MGAT4A: variants seen among roughly 807,000 people sequenced by gnomAD.
MGAT4A encodes alpha-1,3-mannosyl-glycoprotein 4-beta-N-acetylglucosaminyltransferase A.
Under a neutral mutation model 74.1 loss-of-function variants are expected in MGAT4A, and 33 were observed. The ratio of observed to expected loss-of-function variants is 0.45; its 90% CI spans 0.34 to 0.60. The LOEUF (loss-of-function observed/expected upper bound fraction) is 0.60, where lower values mean the gene tolerates loss of function less well. Among genes scored for constraint, MGAT4A ranks in the 20% least tolerant of loss-of-function variants. MGAT4A has a pLI of 0.02. For synonymous variants in MGAT4A, 198 were observed against 210.4 expected (o/e 0.94, Z 0.51); for missense variants, 479 against 628.3 (o/e 0.76, Z 2.54).
At chr2:98,680,264 G>A (rs766714146) in intron 2 of MGAT4A, among the ~76,000 whole-genome samples, 1 of 152,024 alleles carries the variant, frequency 6.6e-6, no homozygotes, top group African/African-American at 2.4e-5. Flanking sequence ...GGCTGGTCTC[G>A]AACTCCTGAC....
chr2:98,661,282 A>T (rs1257733837), intron 5 of MGAT4A, among the ~76,000 whole-genome samples: 1 of 152,194 alleles, frequency 6.6e-6, no homozygotes, highest in Non-Finnish European at 1.5e-5. Context: ...GAATGTGGAG[A>T]AAAGAAACGG....
chr2:98,622,811 G>A lies in MGAT4A; in HGVS notation c.*2755C>T. On this transcript the variant is annotated 3_prime_UTR_variant, in exon 16 of 16. Coordinates refer to ENST00000393487, the MANE Select transcript of MGAT4A (RefSeq NM_012214.3). ...ACAAACAATCAAAAACTAGACAACC[G>A]ATTGTGTATGCAAGAGTATGGCAAC... is the stretch of plus-strand genomic sequence containing the variant. The A allele has an allele frequency of 5.1e-6, 5 of 985,562 alleles. No homozygotes were observed. The highest frequency in any genetic ancestry group is 4.8e-6 in the Non-Finnish European group (4 of 830,086). 61.1% of individuals were successfully genotyped at this position (985,562 alleles called of 1,614,324 possible).
chr2:98,634,207 A>C (rs898085295), intron 14 of MGAT4A, among the ~76,000 whole-genome samples: 1 of 152,162 alleles, frequency 6.6e-6, no homozygotes, highest in Non-Finnish European at 1.5e-5. Context: ...TCTCCAGGGG[A>C]GCACACAGAA....
chr2:98,679,720 C>T (rs975001043), intron 2 of MGAT4A, among the ~76,000 whole-genome samples: 10 of 152,016 alleles, frequency 6.6e-5, no homozygotes, highest in African/African-American at 1.2e-4. Context: ...GAGAATCACG[C>T]GTCAAAAAAA....
intron 2 of MGAT4A, among the ~76,000 whole-genome samples, chr2:98,711,853 A>AT (rs1702523051): frequency 6.6e-6 from 1 of 152,122 alleles, no homozygotes; most frequent in Non-Finnish European, 1.5e-5. Flanking sequence ...GCCCAGGCTC[A>AT]TTTCAAGGGA....
chr2:98,715,989 C>T (rs548010151), intron 2 of MGAT4A, among the ~76,000 whole-genome samples: 8 of 152,316 alleles, frequency 5.3e-5, no homozygotes, highest in African/African-American at 1.7e-4. Flanking sequence ...TAACAAGACA[C>T]ATCAACATCA....
chr2:98,654,929 C>T (rs1221936705), intron 8 of MGAT4A, among the ~76,000 whole-genome samples: 1 of 152,134 alleles, frequency 6.6e-6, no homozygotes, highest in Non-Finnish European at 1.5e-5. Context: ...CAGCTCGTGT[C>T]TGTAATCCCA....
chr2:98,690,378 A>T (rs1165827764), intron 2 of MGAT4A, among the ~76,000 whole-genome samples: 1 of 152,200 alleles, frequency 6.6e-6, no homozygotes, highest in Non-Finnish European at 1.5e-5. Flanking sequence ...GCATCAGCAC[A>T]GGACTTACGG....
chr2:98,712,564 T>C (rs190509274), intron 2 of MGAT4A, among the ~76,000 whole-genome samples: 1 of 152,342 alleles, frequency 6.6e-6, no homozygotes, highest in East Asian at 1.9e-4. Flanking sequence ...AGCTGTACAC[T>C]TATGATTTGT....
intron 6 of MGAT4A, among the ~76,000 whole-genome samples, chr2:98,657,729 T>C (rs1030611414): frequency 4.6e-5 from 7 of 152,176 alleles, no homozygotes; most frequent in African/African-American, 1.7e-4. Context: ...TAAAAAATAA[T>C]ATCTGAAACT....
chr2:98,699,084 C>T (rs551873495), intron 2 of MGAT4A, among the ~76,000 whole-genome samples: 25 of 152,260 alleles, frequency 1.6e-4, no homozygotes, highest in Non-Finnish European at 2.2e-4. Context: ...AAAAGACACA[C>T]GGAGAGAAGT....
At chr2:98,680,349 G>T (rs1390313085) in intron 2 of MGAT4A, among the ~76,000 whole-genome samples, 1 of 152,186 alleles carries the variant, frequency 6.6e-6, no homozygotes, top group Non-Finnish European at 1.5e-5. Context: ...CAGCCAGAAA[G>T]TCTGTTTTTA....
intron 2 of MGAT4A, among the ~76,000 whole-genome samples, chr2:98,690,386 C>A (rs1415869973): frequency 6.6e-6 from 1 of 152,098 alleles, no homozygotes; most frequent in Non-Finnish European, 1.5e-5. Context: ...ACAGGACTTA[C>A]GGGAAACTGA....
Position 98,619,998 on chromosome 2 carries a change from GTCT to G in MGAT4A, c.*5565_*5567del, listed in dbSNP as rs1559151113. ...TGCTCAGTTTACTTTCTTGAATGAG[GTCT>G]TCTAAATTCTCAGCTCAGATGCACC... On this transcript the variant is annotated 3_prime_UTR_variant, in exon 16 of 16. Transcript: ENST00000393487. The G allele has an allele frequency of 6.6e-6, 1 of 152,134 alleles. No homozygotes were observed. The highest frequency in any genetic ancestry group is 1.5e-5 in the Non-Finnish European group (1 of 68,026). The allele number at this position is 152,134 out of a possible 1,614,324, so 9.4% of individuals were successfully genotyped here.
chr2:98,642,933 A>T, intron 10 of MGAT4A, among the ~76,000 whole-genome samples: 1 of 152,318 alleles, frequency 6.6e-6, no homozygotes, highest in Non-Finnish European at 1.5e-5. Flanking sequence ...AGGTATGAGG[A>T]TCCAACTATT....
chr2:98,695,702 A>T (rs1702262509), intron 2 of MGAT4A, among the ~76,000 whole-genome samples: 3 of 152,200 alleles, frequency 2.0e-5, no homozygotes, highest in African/African-American at 7.2e-5. Context: ...CTGCTGTAGA[A>T]AAGTATTAAC....
chr2:98,707,942 G>C (rs1702462752), intron 2 of MGAT4A, among the ~76,000 whole-genome samples: 1 of 152,070 alleles, frequency 6.6e-6, no homozygotes. Flanking sequence ...CCCTCAACAG[G>C]ACTCGCTTTT....
At chr2:98,679,673 T>C (rs1278419569) in intron 2 of MGAT4A, among the ~76,000 whole-genome samples, 2 of 152,142 alleles carry the variant, frequency 1.3e-5, no homozygotes, top group African/African-American at 2.4e-5. Context: ...AGATGTACAA[T>C]GACCCTTGTT....
At chr2:98,727,909 G>A (rs1383249349) in intron 1 of MGAT4A, among the ~76,000 whole-genome samples, 1 of 152,140 alleles carries the variant, frequency 6.6e-6, no homozygotes, top group Non-Finnish European at 1.5e-5. Context: ...TATTAACCCT[G>A]TTCTACACAC....
Sources: gnomAD v4.1 joint callset for allele counts (sites outside exome capture counted in the v4.1 genomes callset) on GRCh38, gnomAD v4.1.1 for gene constraint, MANE v1.5 for transcripts, NCBI Gene and HGNC (gene_info 2026-07-23, HGNC 2026-07-21) for gene names.